PHKA1: variants seen among roughly 807,000 people sequenced by gnomAD.
The protein encoded by PHKA1 is phosphorylase kinase regulatory subunit alpha 1, also known as phosphorylase b kinase regulatory subunit alpha, skeletal muscle isoform.
Under a neutral mutation model 110.2 loss-of-function variants are expected in PHKA1, and 60 were observed. The observed-to-expected ratio is 0.54, with a 90% CI of 0.44 to 0.68. PHKA1 has a LOEUF of 0.68. PHKA1 is among the 30% of genes least tolerant of loss of function. PHKA1 has a pLI of 0.00. For missense variants in PHKA1, 801 were observed against 942.5 expected (o/e 0.85, Z 1.97); for synonymous variants, 316 against 333.6 (o/e 0.95, Z 0.58).
rs374742394 is a variant in PHKA1, at chrX:72,666,139, A to T, written c.864+12T>A. On this transcript the variant is annotated intron_variant, in intron 8 of 31. Coordinates refer to ENST00000373542, the MANE Select transcript of PHKA1 (RefSeq NM_002637.4). ...ACAGCCTTAAAGAAAACAAAGGTAC[A>T]TAGGGACATACCTGAAGCTTGGTGA... 35 of 1,207,768 alleles carry T rather than the reference A, an allele frequency of 2.9e-5. 1 individual carries two copies. The Admixed American group carries it at 7.7e-4, about 26-fold the overall frequency.
At chrX:72,623,865 C>T (rs1311492694) in intron 17 of PHKA1, among the ~76,000 whole-genome samples, 1 of 111,596 alleles carries the variant, frequency 9.0e-6, no homozygotes, top group Non-Finnish European at 1.9e-5. Flanking sequence ...AGAAATGGAT[C>T]ATGGCATATT....
intron 6 of PHKA1, among the ~76,000 whole-genome samples, chrX:72,669,411 G>A (rs1193290337): frequency 9.1e-6 from 1 of 109,334 alleles, no homozygotes; most frequent in African/African-American, 3.3e-5. Flanking sequence ...TTAAGTTTTA[G>A]GGTACATGTG....
Position 72,709,123 on chromosome X carries a change from T to C in PHKA1, c.237+3656A>G, listed in dbSNP as rs782493511. Among the ~76,000 whole-genome samples the C allele has an allele frequency of 4.6e-5, 5 of 109,827 alleles. No individual in the cohort carries two copies. The South Asian group carries it at 2.0e-3, about 44-fold the overall frequency. On this transcript the variant is annotated intron_variant, in intron 2 of 31. Transcript: ENST00000373542. Reference sequence around the variant, plus strand: ...ACCTAGGTTTAAAATTGAAGTGAGGTCAGAGATGAAGACTCAGAAGTCATT... The same window carrying C: ...ACCTAGGTTTAAAATTGAAGTGAGGCCAGAGATGAAGACTCAGAAGTCATT...
At chrX:72,713,741 C>T in intron 1 of PHKA1, 62 bp downstream of exon 1, 1 of 916,473 alleles carries the variant, frequency 1.1e-6, no homozygotes, top group Non-Finnish European at 1.6e-6. Flanking sequence ...CCAAGGTCTC[C>T]GTCCAAGCTA....
chrX:72,672,599 C>G (rs184659759), intron 6 of PHKA1, among the ~76,000 whole-genome samples: 1 of 111,937 alleles, frequency 8.9e-6, no homozygotes, highest in African/African-American at 3.2e-5. Flanking sequence ...TGGAAGAACC[C>G]TTATGATCCA....
At position 72,651,324 on chromosome X, in the gene PHKA1, G is replaced by A. The variant is rs782116858; in HGVS notation, c.1246-856C>T. ...GGCTGAGGAGGGCGGATCACCTGAG[G>A]TTGGGCTTTCGAGACCAGCCTGACC... On this transcript the variant is annotated intron_variant, in intron 12 of 31. Coordinates refer to ENST00000373542, the MANE Select transcript of PHKA1 (RefSeq NM_002637.4). 2.5e-4 allele frequency among the ~76,000 whole-genome samples: 28 copies of A among 111,139 alleles called. 1 individual carries two copies. The highest frequency in any genetic ancestry group is 6.7e-4 in the Admixed American group (7 of 10,503).
chrX:72,584,387 T>C, intron 29 of PHKA1, 85 bp from the exon 30 acceptor site: 5 of 854,987 alleles, frequency 5.8e-6, no homozygotes, highest in Non-Finnish European at 8.7e-6. Context: ...GGAGACGCTG[T>C]ATTTCTAAGT....
chrX:72,607,060 T>C (rs2052738755), intron 23 of PHKA1, among the ~76,000 whole-genome samples: 1 of 112,075 alleles, frequency 8.9e-6, no homozygotes, highest in Admixed American at 9.5e-5. Context: ...GATCTCATTT[T>C]TTTTGTGTCT....
chrX:72,674,656 C>T (rs1409171291), intron 6 of PHKA1, among the ~76,000 whole-genome samples: 1 of 111,518 alleles, frequency 9.0e-6, no homozygotes, highest in African/African-American at 3.3e-5. Context: ...AGTATACATC[C>T]CTTAACCTAA....
At chrX:72,661,885 G>C (rs1474169550) in intron 8 of PHKA1, among the ~76,000 whole-genome samples, 1 of 111,308 alleles carries the variant, frequency 9.0e-6, no homozygotes, top group East Asian at 2.8e-4. Context: ...AGAGCACTGT[G>C]GTGTAGCAAG....
At chrX:72,602,515 C>T (rs915748780) in intron 26 of PHKA1, among the ~76,000 whole-genome samples, 2 of 111,377 alleles carry the variant, frequency 1.8e-5, no homozygotes, top group Non-Finnish European at 3.8e-5. Context: ...TAGCAAGATA[C>T]CCTTCTTGAA....
intron 10 of PHKA1, among the ~76,000 whole-genome samples, chrX:72,655,406 C>A (rs1301946408): frequency 9.0e-6 from 1 of 111,443 alleles, no homozygotes; most frequent in African/African-American, 3.3e-5. Context: ...GAGTGAGAGA[C>A]CCTGTCTTAA....
rs191904230 is a variant in PHKA1, at chrX:72,675,917, T to A, written c.618+153A>T. 2.7e-5 allele frequency among the ~76,000 whole-genome samples: 3 copies of A among 111,088 alleles called. No individual in the cohort carries two copies. The East Asian group carries it at 8.5e-4, about 31-fold the overall frequency. On this transcript the variant is annotated intron_variant, in intron 6 of 31. Transcript: ENST00000373542. ...GCTTATGAAAGTTTTCATCTACATA[T>A]CCATGGTTCTACAGGAGAATCTGAA...
chrX:72,654,307 A>C, intron 10 of PHKA1, among the ~76,000 whole-genome samples: 1 of 111,859 alleles, frequency 8.9e-6, no homozygotes, highest in Non-Finnish European at 1.9e-5. Context: ...TTTCTGTCCA[A>C]TTTCAGATAA....
rs2054425195 is a variant in PHKA1 at position 72,713,926 on chromosome X, C to T, written c.-46G>A. The T allele has an allele frequency of 1.0e-6, 1 of 995,030 alleles. No homozygotes were observed. Among genetic ancestry groups the T allele is most frequent in the East Asian group, 3.1e-5 (1 of 32,377 alleles). 82.0% of individuals were successfully genotyped at this position (995,030 alleles called of 1,213,427 possible). On this transcript the variant is annotated 5_prime_UTR_variant, in exon 1 of 32. The change creates a new upstream start codon in the 5' untranslated region. Coordinates refer to ENST00000373542, the MANE Select transcript of PHKA1 (RefSeq NM_002637.4). ...CCTCTGAGAAATAGCCCGGGTGCCA[C>T]CGGAGCCTTCGGTCCCTAAGGAACA... is the stretch of plus-strand genomic sequence containing the variant.
intron 3 of PHKA1, among the ~76,000 whole-genome samples, chrX:72,698,156 G>C (rs2039328821): frequency 9.1e-6 from 1 of 109,474 alleles, no homozygotes; most frequent in South Asian, 4.0e-4. Flanking sequence ...GTGTAGGGTT[G>C]TGAAACAGGT....
chrX:72,710,107 A>G (rs1169448955), intron 2 of PHKA1, among the ~76,000 whole-genome samples: 1 of 109,768 alleles, frequency 9.1e-6, no homozygotes, highest in Non-Finnish European at 1.9e-5. Flanking sequence ...ACTCATCTAG[A>G]TCAGGGACAA....
At chrX:72,618,536 TA>T (rs1477160779) in intron 21 of PHKA1, among the ~76,000 whole-genome samples, 173 bp downstream of exon 21, 1 of 111,796 alleles carries the variant, frequency 8.9e-6, no homozygotes. Context: ...GAGGTATATA[TA>T]ATCCAAATTC....
intron 2 of PHKA1, among the ~76,000 whole-genome samples, chrX:72,705,467 C>T (rs927901024): frequency 5.4e-5 from 6 of 111,920 alleles, no homozygotes; most frequent in African/African-American, 9.7e-5. Context: ...AAAAATCATC[C>T]AAGCTTCAAC....
Sources: gnomAD v4.1 joint callset for allele counts (sites outside exome capture counted in the v4.1 genomes callset) on GRCh38, gnomAD v4.1.1 for gene constraint, MANE v1.5 for transcripts, NCBI Gene and HGNC (gene_info 2026-07-23, HGNC 2026-07-21) for gene names.